Variants in CEP112 observed in about 807,000 individuals in gnomAD.
CEP112 encodes the protein centrosomal protein of 112 kDa.
A neutral mutation model predicts 153.0 loss-of-function variants in CEP112; 127 were observed. The ratio of observed to expected loss-of-function variants is 0.83; its 90% confidence interval spans 0.72 to 0.96. The LOEUF is 0.96. CEP112 is among the 40% of genes least tolerant of loss of function. The probability of loss-of-function intolerance (pLI) is 0.00; values close to 1 mark genes in which losing one functional copy is unlikely to be tolerated. For missense variants in CEP112, 1,089 were observed against 1,101.2 expected (o/e 0.99, Z 0.16); for synonymous variants, 358 against 374.4 (o/e 0.96, Z 0.51).
chr17:65,669,959 G>T (rs934077982), intron 24 of CEP112, among the ~76,000 whole-genome samples: 1 of 151,366 alleles, frequency 6.6e-6, no homozygotes, highest in Non-Finnish European at 1.5e-5. Context: ...AGAAGTCAAT[G>T]CAAATTAACC....
At chr17:65,721,832 C>A (rs141348047) in intron 23 of CEP112, among the ~76,000 whole-genome samples, 287 of 104,454 alleles carry the variant, frequency 2.7e-3, no homozygotes, top group South Asian at 9.8e-3. Context: ...TTGCAAGGAC[C>A]ACTAGCATAA....
At chr17:65,787,105 C>T (rs934361925) in intron 21 of CEP112, among the ~76,000 whole-genome samples, 5 of 152,162 alleles carry the variant, frequency 3.3e-5, no homozygotes, top group African/African-American at 4.8e-5. Context: ...AACGTCCATA[C>T]CTTTGCAACA....
At chr17:65,783,413 T>A (rs8073268) in intron 21 of CEP112, among the ~76,000 whole-genome samples, 49,077 of 152,040 alleles carry the variant, frequency 0.32, 9,675 homozygotes, top group Middle Eastern at 0.45. Context: ...AGAATTCTTA[T>A]GTGACCCAGC....
intron 4 of CEP112, among the ~76,000 whole-genome samples, chr17:66,133,354 C>T (rs1470424060): frequency 1.3e-5 from 2 of 152,134 alleles, no homozygotes; most frequent in African/African-American, 4.8e-5. Context: ...TGTTCCACAT[C>T]AACATGAAGC....
chr17:65,914,035 G>T (rs6504372), intron 19 of CEP112: 59 of 196,894 alleles, frequency 3.0e-4, no homozygotes, highest in Non-Finnish European at 4.6e-4. Flanking sequence ...CTTCAAAAGG[G>T]TTTTTTTTTC....
At chr17:65,831,826 A>T (rs2057093081) in intron 21 of CEP112, among the ~76,000 whole-genome samples, 1 of 152,168 alleles carries the variant, frequency 6.6e-6, no homozygotes, top group Admixed American at 6.5e-5. Flanking sequence ...CAGAAGGAAA[A>T]AGGAAAAAGA....
At chr17:66,024,808 A>G (rs1308221518) in intron 16 of CEP112, among the ~76,000 whole-genome samples, 1 of 152,146 alleles carries the variant, frequency 6.6e-6, no homozygotes, top group Non-Finnish European at 1.5e-5. Flanking sequence ...TCAAATTCAT[A>G]TGGCATTAAA....
intron 18 of CEP112, among the ~76,000 whole-genome samples, chr17:65,948,520 T>C (rs1044392917): frequency 2.6e-5 from 4 of 152,068 alleles, no homozygotes; most frequent in Admixed American, 1.3e-4. Flanking sequence ...CAGTCATTTA[T>C]GTGTTTCACA....
chr17:66,047,890 T>C (rs1438531332), intron 12 of CEP112, among the ~76,000 whole-genome samples: 3 of 152,146 alleles, frequency 2.0e-5, no homozygotes, highest in African/African-American at 4.8e-5. Context: ...GGAAACTAAT[T>C]GCAGGACCCC....
At chr17:66,159,954 C>T (rs1036875093) in intron 4 of CEP112, among the ~76,000 whole-genome samples, 12 of 152,030 alleles carry the variant, frequency 7.9e-5, no homozygotes, top group Admixed American at 4.6e-4. Context: ...ATTGTCTCGG[C>T]GCAAAAACTA....
At chr17:65,956,392 A>G (rs7218562) in intron 18 of CEP112, among the ~76,000 whole-genome samples, 72,123 of 150,788 alleles carry the variant, frequency 0.48, 18,234 homozygotes, top group East Asian at 0.89. Context: ...AAATTATGAT[A>G]TATATACATA....
chr17:66,129,572 T>C (rs757346741), intron 6 of CEP112, among the ~76,000 whole-genome samples, 174 bp downstream of exon 6: 2 of 152,220 alleles, frequency 1.3e-5, no homozygotes, highest in South Asian at 4.1e-4. Context: ...GACTATTTTA[T>C]GTTTGTTCAG....
At chr17:66,129,909 A>C (rs2146522728) in intron 5 of CEP112, 86 bp from the exon 6 acceptor site, 3 of 836,326 alleles carry the variant, frequency 3.6e-6, no homozygotes, top group Middle Eastern at 2.5e-4. Flanking sequence ...AAAAGAGGAA[A>C]AGATAGAAGA....
At chr17:65,877,113 T>G (rs1422035111) in intron 20 of CEP112, among the ~76,000 whole-genome samples, 1 of 152,196 alleles carries the variant, frequency 6.6e-6, no homozygotes, top group Non-Finnish European at 1.5e-5. Context: ...AGGGGTTTAC[T>G]GCCTGATTGC....
chr17:65,706,250 G>A (rs2048907718), intron 23 of CEP112, among the ~76,000 whole-genome samples: 1 of 152,218 alleles, frequency 6.6e-6, no homozygotes, highest in African/African-American at 2.4e-5. Flanking sequence ...AATAGCTACA[G>A]TTCTGACAGG....
At chr17:65,648,618 T>G (rs1047081817) in intron 24 of CEP112, among the ~76,000 whole-genome samples, 6 of 152,182 alleles carry the variant, frequency 3.9e-5, no homozygotes, top group Admixed American at 6.5e-5. Flanking sequence ...GTATGGAATG[T>G]GCAGTTGACT....
chr17:65,690,651 G>A (rs1345310185), intron 23 of CEP112, among the ~76,000 whole-genome samples: 1 of 152,100 alleles, frequency 6.6e-6, no homozygotes, highest in Non-Finnish European at 1.5e-5. Flanking sequence ...AAGGACAAGA[G>A]AGAGCAAGTC....
At chr17:66,176,035 T>C (rs1444551359) in intron 3 of CEP112, among the ~76,000 whole-genome samples, 1 of 152,216 alleles carries the variant, frequency 6.6e-6, no homozygotes, top group Non-Finnish European at 1.5e-5. Context: ...AATGACATAG[T>C]CATTAAAACT....
At chr17:65,687,321 C>G (rs971548013) in intron 24 of CEP112, among the ~76,000 whole-genome samples, 1 of 151,718 alleles carries the variant, frequency 6.6e-6, no homozygotes, top group Non-Finnish European at 1.5e-5. Context: ...CACCTGCCAC[C>G]ACGCCCAGCT....
Sources: allele counts gnomAD v4.1 joint callset (sites outside exome capture counted in the v4.1 genomes callset), GRCh38; gene constraint gnomAD v4.1.1; transcripts MANE v1.5; gene names NCBI Gene and HGNC (gene_info 2026-07-23, HGNC 2026-07-21).